Variants in DOP1B observed in about 807,000 individuals in gnomAD.
DOP1B encodes the protein DOP1 leucine zipper like protein B.
Under a neutral mutation model 233.5 loss-of-function variants are expected in DOP1B, and 174 were observed. The observed-to-expected ratio is 0.75, with a 90% CI of 0.66 to 0.85. DOP1B has a LOEUF of 0.85. DOP1B is among the 40% of genes least tolerant of loss of function. The pLI is 0.00. For missense variants in DOP1B, 2,652 were observed against 2,846.6 expected (o/e 0.93, Z 1.56); for synonymous variants, 1,190 against 1,185.6 (o/e 1.00, Z -0.08).
intron 2 of DOP1B, among the ~76,000 whole-genome samples, chr21:36,178,804 C>G (rs1017026828): frequency 6.6e-6 from 1 of 152,216 alleles, no homozygotes; most frequent in African/African-American, 2.4e-5. Flanking sequence ...AAATTTCTTT[C>G]CAACTTTATT....
intron 1 of DOP1B, among the ~76,000 whole-genome samples, chr21:36,161,468 C>T (rs1343795778): frequency 6.6e-6 from 1 of 152,054 alleles, no homozygotes; most frequent in Non-Finnish European, 1.5e-5. Flanking sequence ...CTTTATTGCA[C>T]TATAATTTGC....
At chr21:36,207,034 G>A (rs970429564) in intron 4 of DOP1B, among the ~76,000 whole-genome samples, 10 of 152,152 alleles carry the variant, frequency 6.6e-5, no homozygotes, top group Non-Finnish European at 1.2e-4. Context: ...AATTAACCGA[G>A]GGGTTTTTCG....
Position 36,164,836 on chromosome 21 carries a change from G to A in DOP1B, c.103G>A (p.Ala35Thr), listed in dbSNP as rs748872533. 6.2e-7 allele frequency: 1 copy of A among 1,611,962 alleles called. No homozygotes were observed. Among genetic ancestry groups the A allele is most frequent in the Non-Finnish European group, 8.5e-7 (1 of 1,179,070 alleles). ...LRNFESSSEW[A>T]DLISSLGKLN... Reference sequence around the variant, plus strand: ...AAATTTTGAGTCCTCGAGTGAATGGGCGGATCTCATATCTTCACTTGGCAA... The same window carrying A: ...AAATTTTGAGTCCTCGAGTGAATGGACGGATCTCATATCTTCACTTGGCAA... The change falls in exon 2 of 37, where the codon GCG becomes ACG. Residue 35 changes from alanine (A) to threonine (T), a missense_variant. Physicochemically the swap from Ala to Thr is moderately conservative, Grantham distance 58 (BLOSUM62 0). Around this residue, in one of 3 missense-constraint regions of DOP1B, gnomAD observed 2,617 missense variants for 2,794.3 expected, o/e 0.94. Coordinates refer to ENST00000691173, the MANE Select transcript of DOP1B (RefSeq NM_001320714.2).
intron 4 of DOP1B, among the ~76,000 whole-genome samples, chr21:36,207,818 G>C (rs753754507): frequency 5.3e-4 from 81 of 152,148 alleles, no homozygotes; most frequent in Non-Finnish European, 9.6e-4. Context: ...TATCCCTTAG[G>C]GGGAATGTGC....
intron 4 of DOP1B, among the ~76,000 whole-genome samples, chr21:36,202,004 G>T (rs1030911193): frequency 6.6e-6 from 1 of 152,048 alleles, no homozygotes; most frequent in African/African-American, 2.4e-5. Context: ...GGCCAACATG[G>T]TGAAACCCCA....
intron 9 of DOP1B, among the ~76,000 whole-genome samples, chr21:36,218,561 C>A (rs2066587087): frequency 6.6e-6 from 1 of 152,050 alleles, no homozygotes; most frequent in Admixed American, 6.6e-5. Flanking sequence ...AAAAAAAATA[C>A]ACAGGAAACT....
intron 9 of DOP1B, 102 bp from the exon 10 acceptor site, chr21:36,219,270 G>T: frequency 7.0e-7 from 1 of 1,422,822 alleles, no homozygotes; most frequent in Non-Finnish European, 9.6e-7. Context: ...ATGTCTGTCT[G>T]CACAGGTTTA....
At position 36,247,647 on chromosome 21, in the gene DOP1B, T is replaced by C. The variant is rs184678513; in HGVS notation, c.4809+19T>C. The C allele has an allele frequency of 2.2e-5, 28 of 1,260,814 alleles. 1 individual carries two copies. Among genetic ancestry groups the C allele is most frequent in the Middle Eastern group, 3.8e-4 (2 of 5,202 alleles). 78.1% of individuals were successfully genotyped at this position (1,260,814 alleles called of 1,614,324 possible). On this transcript the variant is annotated intron_variant, in intron 20 of 36. Coordinates refer to ENST00000691173, the MANE Select transcript of DOP1B (RefSeq NM_001320714.2). ...CAAAAAGGTAAATTTTTTTTTTTCC[T>C]GAGTTCAAGGCAATTTTCATGTATT...
intron 30 of DOP1B, 55 bp downstream of exon 30, chr21:36,278,410 A>T: frequency 6.5e-7 from 1 of 1,550,340 alleles, no homozygotes; most frequent in Non-Finnish European, 8.7e-7. Context: ...TGGAAATGGC[A>T]TTTTGGTTTA....
intron 27 of DOP1B, among the ~76,000 whole-genome samples, chr21:36,272,189 A>G (rs1229549355): frequency 6.6e-6 from 1 of 150,842 alleles, no homozygotes; most frequent in Non-Finnish European, 1.5e-5. Flanking sequence ...TATTACTTCT[A>G]CGAAAATTGT....
chr21:36,195,785 C>T lies in DOP1B; in HGVS notation c.139-3285C>T, dbSNP rs561987458. Among the ~76,000 whole-genome samples the T allele has an allele frequency of 2.0e-5, 3 of 152,292 alleles. No homozygotes were observed. In the South Asian group the frequency reaches 6.2e-4, roughly 32 times the overall value. ...CAGTCAGGATAGGGAAAGTTATGCA[C>T]AGTAACAAACAATCCTCAAATCATG... is the stretch of plus-strand genomic sequence containing the variant. On this transcript the variant is annotated intron_variant, in intron 2 of 36. Coordinates refer to ENST00000691173, the MANE Select transcript of DOP1B (RefSeq NM_001320714.2).
At chr21:36,165,944 T>TGA (rs781489872) in intron 2 of DOP1B, among the ~76,000 whole-genome samples, 44 of 151,042 alleles carry the variant, frequency 2.9e-4, no homozygotes, top group Admixed American at 2.8e-3. Context: ...CTCGAACTCC[T>TGA]GACCTCAAGT....
chr21:36,218,171 C>G (rs183814123), intron 9 of DOP1B, among the ~76,000 whole-genome samples: 17 of 152,180 alleles, frequency 1.1e-4, no homozygotes, highest in Non-Finnish European at 2.5e-4. Flanking sequence ...CTCCATCAAT[C>G]AAGGCAACAA....
intron 26 of DOP1B, among the ~76,000 whole-genome samples, chr21:36,265,794 G>GA (rs1260679897): frequency 6.6e-6 from 1 of 152,058 alleles, no homozygotes; most frequent in Non-Finnish European, 1.5e-5. Flanking sequence ...TGAGGATATA[G>GA]AAAAAAACAA....
At chr21:36,165,793 G>A (rs2065905030) in intron 2 of DOP1B, among the ~76,000 whole-genome samples, 1 of 148,644 alleles carries the variant, frequency 6.7e-6, no homozygotes, top group South Asian at 2.1e-4. Flanking sequence ...TTGGCTGACT[G>A]CAACCTCCAC....
chr21:36,238,305 A>C (rs2066850325), intron 16 of DOP1B, among the ~76,000 whole-genome samples: 1 of 152,218 alleles, frequency 6.6e-6, no homozygotes, highest in Non-Finnish European at 1.5e-5. Flanking sequence ...GACACTTGCA[A>C]GGAAGCCATG....
chr21:36,217,098 A>ACT (rs2066568700), intron 9 of DOP1B, among the ~76,000 whole-genome samples: 1 of 144,738 alleles, frequency 6.9e-6, no homozygotes, highest in Non-Finnish European at 1.5e-5. Context: ...AAAAAAAGAG[A>ACT]GCTGAGGGCA....
In DOP1B at chr21:36,253,655, G is replaced by A. The variant is rs2067057105; in HGVS notation, c.5122-117G>A. The A allele has an allele frequency of 1.4e-5, 16 of 1,114,298 alleles. 1 individual carries two copies. The highest frequency in any genetic ancestry group is 1.0e-4 in the South Asian group (6 of 57,604). The allele number at this position is 1,114,298 out of a possible 1,614,324, so 69.0% of individuals were successfully genotyped here. On this transcript the variant is annotated intron_variant, in intron 22 of 36. Coordinates refer to ENST00000691173, the MANE Select transcript of DOP1B (RefSeq NM_001320714.2). ...CGTGTTTCAAAAAAAAAAAAAAAGA[G>A]ATGAAAACAGATTGATTTCTCCAGG... is the stretch of plus-strand genomic sequence containing the variant.
chr21:36,210,022 C>G (rs895599108), intron 5 of DOP1B, among the ~76,000 whole-genome samples: 10 of 151,976 alleles, frequency 6.6e-5, no homozygotes, highest in Admixed American at 6.6e-4. Flanking sequence ...ACAGGCGACC[C>G]CGATGAACAC....
Sources: allele counts gnomAD v4.1 joint callset (sites outside exome capture counted in the v4.1 genomes callset), GRCh38; gene constraint gnomAD v4.1.1; regional missense constraint gnomAD v4.1.1; transcripts MANE v1.5; gene names NCBI Gene and HGNC (gene_info 2026-07-23, HGNC 2026-07-21).